TBC1D19: variants seen among roughly 807,000 people sequenced by gnomAD.
TBC1D19 encodes TBC1 domain family member 19, also known as TBC1 domain family, member 19.
TBC1D19 carries 60 observed loss-of-function variants against 89.0 expected under a neutral mutation model. The observed-to-expected ratio is 0.67, with a 90% CI of 0.55 to 0.84. The LOEUF (loss-of-function observed/expected upper bound fraction) is 0.84, where lower values mean the gene tolerates loss of function less well. Among genes scored for constraint, TBC1D19 ranks in the 40% least tolerant of loss-of-function variants. TBC1D19 has a pLI of 0.00. For synonymous variants in TBC1D19, 189 were observed against 199.7 expected, an observed-to-expected ratio of 0.95 and a Z score of 0.45; for missense variants, 500 against 610.8, an observed-to-expected ratio of 0.82 and a Z score of 1.91.
intron 17 of TBC1D19, 37 bp downstream of exon 17, chr4:26,740,010 G>T (rs983340552): frequency 3.7e-6 from 5 of 1,333,950 alleles, no homozygotes; most frequent in Non-Finnish European, 5.2e-6. Context: ...AATTAGGTTG[G>T]ATTGTAATCT....
At chr4:26,824,241 A>T in the TBC1D19 span, among the ~76,000 whole-genome samples, 1 of 152,212 alleles carries the variant, frequency 6.6e-6, no homozygotes, top group African/African-American at 2.4e-5. Context: ...GAGAAGGACC[A>T]AGTTCTAGCA....
the TBC1D19 span, among the ~76,000 whole-genome samples, chr4:26,829,947 C>T: frequency 5.3e-5 from 8 of 152,064 alleles, no homozygotes; most frequent in Non-Finnish European, 1.0e-4. Context: ...ATCTTACCTT[C>T]GGGGAATGGC....
intron 1 of TBC1D19, among the ~76,000 whole-genome samples, chr4:26,600,091 G>A (rs1740499286): frequency 1.3e-5 from 2 of 151,578 alleles, no homozygotes; most frequent in Admixed American, 6.6e-5. Flanking sequence ...TACCCCAAAT[G>A]TTATTTTCAT....
chr4:26,851,416 C>T, the TBC1D19 span, among the ~76,000 whole-genome samples: 8 of 151,908 alleles, frequency 5.3e-5, no homozygotes, highest in Admixed American at 1.3e-4. Flanking sequence ...AATACACAAC[C>T]CTAGCAAACT....
chr4:26,604,001 A>G (rs1041714178), intron 1 of TBC1D19, among the ~76,000 whole-genome samples: 2 of 152,030 alleles, frequency 1.3e-5, no homozygotes, highest in African/African-American at 4.8e-5. Context: ...CCACCATTCT[A>G]TGGTCTGTCT....
At chr4:26,740,543 A>G (rs1026373799) in intron 17 of TBC1D19, 1 of 616,816 alleles carries the variant, frequency 1.6e-6, no homozygotes, top group Non-Finnish European at 2.0e-6. Flanking sequence ...CCTTTGGCCT[A>G]CAATATAAGA....
chr4:26,599,078 G>A (rs1740428925), intron 1 of TBC1D19, among the ~76,000 whole-genome samples: 1 of 151,932 alleles, frequency 6.6e-6, no homozygotes, highest in Non-Finnish European at 1.5e-5. Context: ...ATGTATATTT[G>A]TAAAATCAAT....
At chr4:26,790,564 T>C in the TBC1D19 span, among the ~76,000 whole-genome samples, 8 of 152,150 alleles carry the variant, frequency 5.3e-5, no homozygotes, top group Non-Finnish European at 5.9e-5. Flanking sequence ...AATAGATAGA[T>C]ATTGAGAGAA....
At chr4:26,685,382 G>A (rs1013005287) in intron 12 of TBC1D19, among the ~76,000 whole-genome samples, 5 of 152,114 alleles carry the variant, frequency 3.3e-5, no homozygotes, top group African/African-American at 1.2e-4. Context: ...CCTGCTGTTG[G>A]TTATAATTCT....
rs1325784362 is a variant in TBC1D19, at chr4:26,753,846, C to T, written c.1462C>T (p.Arg488Ter). 3.7e-6 allele frequency: 6 copies of T among 1,613,776 alleles called. No homozygotes were observed. The highest frequency in any genetic ancestry group is 3.4e-6 in the Non-Finnish European group (4 of 1,179,874). The change falls in exon 20 of 21, where the codon CGA becomes TGA. Residue 488 changes from arginine (R) to a stop codon, truncating the protein, a stop_gained. Coordinates refer to ENST00000264866, the MANE Select transcript of TBC1D19 (RefSeq NM_018317.4). LOFTEE classifies it high-confidence loss of function. ...GCTGGCAGCTGCCGTGTTTGCTTTC[C>T]GAGCAGTGAACCTGATGGAGGTGAC... ...AVLAAAVFAF[R>*]AVNLMEVTSL... is the part of the protein sequence containing the mutation.
the TBC1D19 span, among the ~76,000 whole-genome samples, chr4:26,785,913 T>TAA: frequency 6.6e-6 from 1 of 152,194 alleles, no homozygotes; most frequent in Non-Finnish European, 1.5e-5. Flanking sequence ...GCTTCCATTG[T>TAA]AATACACAGG....
chr4:26,759,630 T>C (rs906187387), downstream of TBC1D19, among the ~76,000 whole-genome samples: 25 of 152,086 alleles, frequency 1.6e-4, no homozygotes, highest in African/African-American at 5.3e-4. Flanking sequence ...CAATCCCCCA[T>C]ACACGCATTC....
intron 13 of TBC1D19, among the ~76,000 whole-genome samples, chr4:26,712,292 G>T (rs1160924006): frequency 6.6e-6 from 1 of 151,994 alleles, no homozygotes; most frequent in South Asian, 2.1e-4. Flanking sequence ...CAAGGCATTG[G>T]CAGGGCTGTG....
At chr4:26,639,773 G>A (rs941109959) in intron 6 of TBC1D19, among the ~76,000 whole-genome samples, 3 of 152,144 alleles carry the variant, frequency 2.0e-5, no homozygotes, top group African/African-American at 7.2e-5. Context: ...GAGTTCAAAA[G>A]GGGGAATAGT....
intron 15 of TBC1D19, 134 bp from the exon 16 acceptor site, chr4:26,735,321 G>T: frequency 1.5e-6 from 1 of 653,446 alleles, no homozygotes; most frequent in South Asian, 2.0e-5. Flanking sequence ...CTATCACTAA[G>T]TCTTTCTGAC....
the TBC1D19 span, among the ~76,000 whole-genome samples, chr4:26,846,989 C>G: frequency 6.6e-5 from 10 of 152,168 alleles, no homozygotes; most frequent in Non-Finnish European, 1.5e-4. Flanking sequence ...TACATTCTCT[C>G]TACTCAGTAA....
Position 26,671,051 on chromosome 4 carries a change from T to C in TBC1D19, c.665-1098T>C, listed in dbSNP as rs190006879. Among the ~76,000 whole-genome samples, 128 of 151,688 alleles carry C rather than the reference T, an allele frequency of 8.4e-4. 1 individual carries two copies. In the East Asian group the frequency reaches 0.022, roughly 26 times the overall value. On this transcript the variant is annotated intron_variant, in intron 9 of 20. Coordinates refer to ENST00000264866, the MANE Select transcript of TBC1D19 (RefSeq NM_018317.4). Reference sequence around the variant, plus strand: ...GTGCACATATGTATGCATTAGGGTTTATAACTGAGAGTGGATTGCTAATTA... The same window carrying C: ...GTGCACATATGTATGCATTAGGGTTCATAACTGAGAGTGGATTGCTAATTA...
At chr4:26,579,380 G>A (rs565176793), upstream of TBC1D19, among the ~76,000 whole-genome samples, 1 of 152,236 alleles carries the variant, frequency 6.6e-6, no homozygotes, top group Non-Finnish European at 1.5e-5. Flanking sequence ...AAAGCTTCAG[G>A]CAGTAAGATT....
At chr4:26,787,485 CG>C in the TBC1D19 span, among the ~76,000 whole-genome samples, 4 of 151,918 alleles carry the variant, frequency 2.6e-5, no homozygotes, top group Non-Finnish European at 5.9e-5. Flanking sequence ...AAGAAAGGAC[CG>C]GATGGAGATG....
Sources: allele counts gnomAD v4.1 joint callset (sites outside exome capture counted in the v4.1 genomes callset), GRCh38; gene constraint gnomAD v4.1.1; transcripts MANE v1.5; gene names NCBI Gene and HGNC (gene_info 2026-07-23, HGNC 2026-07-21).